KRT26: variants seen among roughly 807,000 people sequenced by gnomAD.
The protein encoded by KRT26 is keratin, type I cytoskeletal 26.
A neutral mutation model predicts 46.1 loss-of-function variants in KRT26; 45 were observed. The observed-to-expected ratio is 0.98, with a 90% CI of 0.77 to 1.25. KRT26 has a LOEUF of 1.25. Ranked by LOEUF, KRT26 falls within the 50% of genes most tolerant of loss-of-function variation. KRT26 has a pLI of 0.00. For synonymous variants in KRT26, 191 were observed against 209.9 expected, an observed-to-expected ratio of 0.91 and a Z score of 0.78; for missense variants, 582 against 560.1, an observed-to-expected ratio of 1.04 and a Z score of -0.39.
exon 8 of KRT26, chr17:40,766,322 CT>C (rs1241974202): frequency 7.5e-6 from 3 of 401,658 alleles, no homozygotes; most frequent in Non-Finnish European, 1.3e-5. Context: ...GATTTTTCTA[CT>C]CTGGAAAAGG....
At chr17:40,771,510 A>G (rs1373619809) in intron 1 of KRT26, among the ~76,000 whole-genome samples, 163 bp downstream of exon 1, 1 of 152,210 alleles carries the variant, frequency 6.6e-6, no homozygotes, top group Non-Finnish European at 1.5e-5. Flanking sequence ...TCATTATTTA[A>G]TTCTACAAGA....
Position 40,766,688 on chromosome 17 carries a change from A to G in KRT26, c.1256-22T>C, listed in dbSNP as rs754163214. ...GAGTCTAAAATAAAATAAATAAAAC[A>G]TTAGTGGTCATTTTTTAACAGGTTG... On this transcript the variant is annotated intron_variant, in intron 7 of 7. Transcript: ENST00000335552. 2.2e-5 allele frequency: 34 copies of G among 1,561,510 alleles called. No homozygotes were observed. In the Admixed American group the frequency reaches 5.8e-4, roughly 26 times the overall value.
chr17:40,768,853 T>G, intron 6 of KRT26, 26 bp downstream of exon 6: 1 of 1,337,400 alleles, frequency 7.5e-7, no homozygotes, highest in Non-Finnish European at 1.0e-6. Context: ...TGAGGTTTTT[T>G]TTTTTTTTTG....
At chr17:40,766,652 T>C in exon 8 of KRT26, 2 of 1,611,512 alleles carry the variant, frequency 1.2e-6, no homozygotes, top group African/African-American at 2.7e-5. Context: ...TTAACAATAG[T>C]TTCTTCTGTT....
At chr17:40,766,475 TC>T (rs2038173149) in exon 8 of KRT26, 8 of 1,483,130 alleles carry the variant, frequency 5.4e-6, no homozygotes, top group South Asian at 2.7e-5. Context: ...TTTCTCTCTC[TC>T]TCTCTTTCTT....
At chr17:40,768,488 T>C (rs118184035) in intron 6 of KRT26, among the ~76,000 whole-genome samples, 1 of 152,346 alleles carries the variant, frequency 6.6e-6, no homozygotes, top group Non-Finnish European at 1.5e-5. Context: ...ATTCTTCCTA[T>C]ATCTTCATTG....
At position 40,772,059 on chromosome 17, in the gene KRT26, C is replaced by T. The variant is rs767026953; in HGVS notation, c.55G>A (p.Gly19Ser). 3.1e-6 allele frequency: 5 copies of T among 1,614,172 alleles called. No individual in the cohort carries two copies. In the East Asian group the frequency reaches 8.9e-5, roughly 29 times the overall value. The change falls in exon 1 of 8, where the codon GGT becomes AGT. Residue 19 changes from glycine (G) to serine (S), a missense_variant. Transcript: ENST00000335552. ...CCTGTTCCTCCACCGGACAGCCTAC[C>T]AGACCCAGTTCGCGAGCAGATCCTC...
intron 5 of KRT26, 110 bp downstream of exon 5, chr17:40,769,644 T>C: frequency 9.0e-7 from 1 of 1,116,658 alleles, no homozygotes. Context: ...TTTTATACTT[T>C]TAGTCATATG....
exon 8 of KRT26, chr17:40,766,472 C>G (rs920916564): frequency 4.6e-5 from 65 of 1,413,150 alleles, no homozygotes; most frequent in Non-Finnish European, 5.6e-5. Flanking sequence ...TTCTTTCTCT[C>G]TCTCTCTCTT....
Position 40,768,563 on chromosome 17 carries a change from T to A in KRT26, c.1187+316A>T, listed in dbSNP as rs541581202. On this transcript the variant is annotated intron_variant, in intron 6 of 7. Transcript: ENST00000335552. ...AGTGATAAGAAAAGAGAATGAGTTATTTATAAGAAATGTGCTTACACACTA... is the reference window on the plus strand; with the variant it reads ...AGTGATAAGAAAAGAGAATGAGTTAATTATAAGAAATGTGCTTACACACTA... Among the ~76,000 whole-genome samples, 3 of 152,342 alleles carry A rather than the reference T, an allele frequency of 2.0e-5. No homozygotes were observed. In the East Asian group the frequency reaches 5.8e-4, roughly 29 times the overall value.
Position 40,767,636 on chromosome 17 carries a change from CAT to C in KRT26, c.1203_1204del (p.Cys402LeufsTer25). On this transcript the variant is annotated frameshift_variant, in exon 7 of 8. Coordinates refer to ENST00000335552, the Ensembl canonical transcript of KRT26. LOFTEE classifies it high-confidence loss of function. Reference sequence around the variant, plus strand: ...AGGCCTGTATCCTTTTGATTTGTAACATGTGGATTTGCTTTTTCTGTGAAGAG... The same window carrying C: ...AGGCCTGTATCCTTTTGATTTGTAACGTGGATTTGCTTTTTCTGTGAAGAG... The C allele has an allele frequency of 6.2e-7, 1 of 1,606,200 alleles. No homozygotes were observed. Among genetic ancestry groups the C allele is most frequent in the Non-Finnish European group, 8.5e-7 (1 of 1,176,820 alleles).
At chr17:40,769,924 T>C (rs982974354) in intron 4 of KRT26, 37 bp downstream of exon 4, 2 of 1,614,076 alleles carry the variant, frequency 1.2e-6, no homozygotes, top group African/African-American at 2.7e-5. Flanking sequence ...CCTGATTGTC[T>C]CCTGAGCAAG....
chr17:40,771,994 T>G (rs2038226345), exon 1 of KRT26: 2 of 1,614,122 alleles, frequency 1.2e-6, no homozygotes, highest in Non-Finnish European at 8.5e-7. Context: ...AAAAGCTGCT[T>G]CTTGCTCCCG....
intron 7 of KRT26, 53 bp downstream of exon 7, chr17:40,767,533 C>T: frequency 9.3e-7 from 1 of 1,071,238 alleles, no homozygotes; most frequent in South Asian, 1.7e-5. Context: ...ACTTAGTTAA[C>T]ACAATTGATG....
chr17:40,769,173 T>A, intron 5 of KRT26, 77 bp from the exon 6 acceptor site: 2 of 927,698 alleles, frequency 2.2e-6, no homozygotes, highest in Non-Finnish European at 3.3e-6. Context: ...TTATTTATTT[T>A]TTTGAGACTG....
intron 7 of KRT26, among the ~76,000 whole-genome samples, chr17:40,767,358 G>A (rs1212931798): frequency 6.6e-6 from 1 of 152,174 alleles, no homozygotes; most frequent in African/African-American, 2.4e-5. Flanking sequence ...TAAGAAACAT[G>A]TTGTGGGATT....
chr17:40,771,584 A>G, intron 1 of KRT26, 89 bp downstream of exon 1: 1 of 1,193,856 alleles, frequency 8.4e-7, no homozygotes, highest in Non-Finnish European at 1.2e-6. Flanking sequence ...ACATCACATA[A>G]ATTTGTTAGG....
intron 6 of KRT26, among the ~76,000 whole-genome samples, chr17:40,768,175 G>C (rs1386955878): frequency 6.6e-6 from 1 of 152,230 alleles, no homozygotes; most frequent in African/African-American, 2.4e-5. Flanking sequence ...GGGCCTTGGA[G>C]GGTGCAAGAC....
At chr17:40,768,905 A>G in exon 6 of KRT26, 1 of 1,600,378 alleles carries the variant, frequency 6.2e-7, no homozygotes, top group Non-Finnish European at 8.5e-7. Flanking sequence ...GTAAGTTGCA[A>G]TAAATGTCAA....
Sources: allele counts gnomAD v4.1 joint callset (sites outside exome capture counted in the v4.1 genomes callset), GRCh38; gene constraint gnomAD v4.1.1; transcripts MANE v1.5; gene names NCBI Gene and HGNC (gene_info 2026-07-23, HGNC 2026-07-21).